The following DKK3 variants were observed in gnomAD, a reference collection of about 807,000 sequenced individuals.
DKK3 encodes dickkopf Wnt signaling pathway inhibitor 3.
A neutral mutation model predicts 33.2 loss-of-function variants in DKK3; 22 were observed. The observed-to-expected ratio is 0.66, with a 90% CI of 0.47 to 0.95. The LOEUF (loss-of-function observed/expected upper bound fraction) is 0.95. DKK3 is among the 40% of genes least tolerant of loss of function. The probability of loss-of-function intolerance (pLI) is 0.00; values close to 1 mark genes in which losing one functional copy is unlikely to be tolerated. For missense variants in DKK3, 398 were observed against 458.4 expected, an observed-to-expected ratio of 0.87 and a Z score of 1.20; for synonymous variants, 194 against 188.8, an observed-to-expected ratio of 1.03 and a Z score of -0.23.
intron 3 of DKK3, among the ~76,000 whole-genome samples, chr11:11,990,093 G>A (rs1848157568): frequency 6.6e-6 from 1 of 152,168 alleles, no homozygotes; most frequent in Non-Finnish European, 1.5e-5. Context: ...GAAGGACAGG[G>A]CCACAAATTT....
At chr11:12,000,765 C>T (rs970922324) in intron 2 of DKK3, among the ~76,000 whole-genome samples, 5 of 151,920 alleles carry the variant, frequency 3.3e-5, no homozygotes, top group African/African-American at 1.2e-4. Flanking sequence ...GTGATCCTCC[C>T]ACCTTAGCCT....
chr11:11,990,388 G>A lies in DKK3; in HGVS notation c.435+8308C>T, dbSNP rs190741691. Among the ~76,000 whole-genome samples the A allele has an allele frequency of 7.2e-5, 11 of 152,342 alleles. No individual in the cohort carries two copies. In the East Asian group the frequency reaches 1.9e-3, roughly 27 times the overall value. On this transcript the variant is annotated intron_variant, in intron 3 of 6. Coordinates refer to ENST00000683431, the MANE Select transcript of DKK3 (RefSeq NM_001018057.2). ...TAAGTAACGGTTTCCAGATTTCAAG[G>A]CCAGAAGCCAGGCTTTTTGCAGGGT...
chr11:11,970,315 C>T (rs1360452946), intron 3 of DKK3, among the ~76,000 whole-genome samples: 1 of 152,186 alleles, frequency 6.6e-6, no homozygotes, highest in Non-Finnish European at 1.5e-5. Flanking sequence ...GCAAAGGAGA[C>T]AAAGGGTATG....
At position 12,002,173 on chromosome 11, in the gene DKK3, G is replaced by A. The variant is rs775473447; in HGVS notation, c.351+127C>T. The A allele has an allele frequency of 6.5e-5, 69 of 1,058,818 alleles. 1 individual carries two copies. The highest frequency in any genetic ancestry group is 2.5e-4 in the African/African-American group (16 of 63,044). The allele number at this position is 1,058,818 out of a possible 1,614,324, so 65.6% of individuals were successfully genotyped here. A position where few individuals can be genotyped will look rare whatever the true frequency, so the allele number is the denominator to read the frequency against. On this transcript the variant is annotated intron_variant, in intron 2 of 6. Transcript: ENST00000683431. ...CATTACTCCTTCTGGTTTTCAATCCGTATTTTATGATTCTCAATTGTAGTT... is the reference window on the plus strand; with the variant it reads ...CATTACTCCTTCTGGTTTTCAATCCATATTTTATGATTCTCAATTGTAGTT...
chr11:11,995,492 A>G (rs963791263), intron 3 of DKK3, among the ~76,000 whole-genome samples: 3 of 152,150 alleles, frequency 2.0e-5, no homozygotes, highest in Admixed American at 2.0e-4. Flanking sequence ...TTTTAACATC[A>G]AATTCTAATG....
intron 4 of DKK3, among the ~76,000 whole-genome samples, chr11:11,967,604 C>G (rs7396187): frequency 0.84 from 128,478 of 152,274 alleles, 54,565 homozygotes; most frequent in Middle Eastern, 0.98. Context: ...GGGTTGGCTG[C>G]GAGGTGCAAC....
In DKK3 at chr11:11,966,991, C is replaced by T; in HGVS notation, c.636G>A (p.Arg212=). The T allele has an allele frequency of 6.2e-7, 1 of 1,614,060 alleles. No homozygotes were observed. The highest frequency in any genetic ancestry group is 8.5e-7 in the Non-Finnish European group (1 of 1,180,008). The change falls in exon 5 of 7, where the codon AGG becomes AGA. Residue 212 remains arginine, a synonymous_variant. Transcript: ENST00000683431. ...CACAGCACAGCCCCGGCTGGCAGTCCCTCTGGTTGTCACAGATGGTCCCAT... is the reference window on the plus strand; with the variant it reads ...CACAGCACAGCCCCGGCTGGCAGTCTCTCTGGTTGTCACAGATGGTCCCAT... ...GSNGTICDNQ[R]DCQPGLCCAF...
Position 11,973,911 on chromosome 11 carries a change from G to A in DKK3, c.436-5424C>T, listed in dbSNP as rs193129784. ...GGAGGCTTTCCCAGAGTCTGTGTGG[G>A]GCCCGCAGAGGCACCGCTTCTTTGG... On this transcript the variant is annotated intron_variant, in intron 3 of 6. Coordinates refer to ENST00000683431, the MANE Select transcript of DKK3 (RefSeq NM_001018057.2). 7.2e-4 allele frequency among the ~76,000 whole-genome samples: 109 copies of A among 152,286 alleles called. No individual in the cohort carries two copies. The East Asian group carries it at 0.018, about 25-fold the overall frequency.
chr11:11,994,122 A>G (rs1413673124), intron 3 of DKK3, among the ~76,000 whole-genome samples: 5 of 152,210 alleles, frequency 3.3e-5, no homozygotes, highest in Non-Finnish European at 5.9e-5. Context: ...GTCAGAGGAA[A>G]GACGCCTGTG....
intron 2 of DKK3, among the ~76,000 whole-genome samples, chr11:12,000,283 G>A (rs1848397332): frequency 6.6e-6 from 1 of 152,066 alleles, no homozygotes. Context: ...TCGGCTCACT[G>A]CAACCTCCGC....
intron 3 of DKK3, among the ~76,000 whole-genome samples, chr11:11,984,576 C>G (rs1848024528): frequency 6.6e-6 from 1 of 151,276 alleles, no homozygotes; most frequent in Non-Finnish European, 1.5e-5. Flanking sequence ...TATGCCCAAG[C>G]TGAACAACCA....
intron 1 of DKK3, among the ~76,000 whole-genome samples, chr11:12,003,654 T>G (rs1216776094): frequency 6.6e-6 from 1 of 152,118 alleles, no homozygotes; most frequent in African/African-American, 2.4e-5. Flanking sequence ...TCTAGGAATT[T>G]CAAATGAGAG....
intron 3 of DKK3, 53 bp downstream of exon 3, chr11:11,998,643 G>T: frequency 6.5e-7 from 1 of 1,530,028 alleles, no homozygotes; most frequent in Non-Finnish European, 9.1e-7. Context: ...CAAACTGAAT[G>T]AAAATGAAAG....
intron 2 of DKK3, chr11:12,001,820 T>G (rs1384433811): frequency 6.6e-6 from 1 of 152,444 alleles, no homozygotes; most frequent in African/African-American, 2.4e-5. Flanking sequence ...TGTTTAATTT[T>G]GTAGCAATAG....
At chr11:11,971,029 ATTTT>A (rs35525674) in intron 3 of DKK3, among the ~76,000 whole-genome samples, 4 of 138,938 alleles carry the variant, frequency 2.9e-5, no homozygotes, top group African/African-American at 5.3e-5. Context: ...AAAATTGAAG[ATTTT>A]TTTTTTTTTT....
Position 11,967,108 on chromosome 11 carries a change from G to A in DKK3, c.529-10C>T. The stretch of plus-strand genomic sequence containing the variant: ...TGTCCCGGGTGCAGAGCTGCAGACA[G>A]GTGGAAAGAGCCTAGAGCCAGCGGC... On this transcript the variant is annotated splice_polypyrimidine_tract_variant and intron_variant, in intron 4 of 6. Coordinates refer to ENST00000683431, the MANE Select transcript of DKK3 (RefSeq NM_001018057.2). 1.2e-6 allele frequency: 2 copies of A among 1,612,550 alleles called. No homozygotes were observed. Among genetic ancestry groups the A allele is most frequent in the Non-Finnish European group, 1.7e-6 (2 of 1,179,442 alleles).
intron 3 of DKK3, among the ~76,000 whole-genome samples, chr11:11,995,510 G>A (rs779834974): frequency 5.3e-5 from 8 of 152,136 alleles, no homozygotes; most frequent in African/African-American, 1.2e-4. Context: ...ATGTGAAACC[G>A]GAAAGACAAC....
Position 11,964,493 on chromosome 11 carries a change from C to T in DKK3, c.1024G>A (p.Ala342Thr), listed in dbSNP as rs770355189. 12 of 1,612,334 alleles carry T rather than the reference C, an allele frequency of 7.4e-6. No homozygotes were observed. The highest frequency in any genetic ancestry group is 1.3e-5 in the African/African-American group (1 of 74,932). ...MALREPAAAA[A>T]ALLGGEEI is the part of the protein sequence containing the mutation. Reference sequence around the variant, plus strand: ...ATCTCTTCCCCTCCCAGCAGTGCAGCGGCGGCAGCCGCAGGCTCCCTCAGC... The same window carrying T: ...ATCTCTTCCCCTCCCAGCAGTGCAGTGGCGGCAGCCGCAGGCTCCCTCAGC... Residue 342 changes from alanine (A) to threonine (T), a missense_variant, in exon 7 of 7, where the codon GCT becomes ACT. Transcript: ENST00000683431.
intron 3 of DKK3, chr11:11,968,731 A>C: frequency 1.8e-5 from 8 of 434,064 alleles, no homozygotes; most frequent in Non-Finnish European, 2.5e-5. Flanking sequence ...AATTCACACA[A>C]TCGCCATCTG....
Sources: gnomAD v4.1 joint callset for allele counts (sites outside exome capture counted in the v4.1 genomes callset) on GRCh38, gnomAD v4.1.1 for gene constraint, MANE v1.5 for transcripts, NCBI Gene and HGNC (gene_info 2026-07-23, HGNC 2026-07-21) for gene names.